Variants in ARNT observed in about 807,000 individuals in gnomAD.
ARNT encodes the protein class E basic helix-loop-helix protein 2.
ARNT carries 30 observed loss-of-function variants against 105.0 expected under a neutral mutation model. The observed-to-expected ratio is 0.29, with a 90% confidence interval of 0.21 to 0.39. The LOEUF is 0.39. Among genes scored for constraint, ARNT ranks in the 10% least tolerant of loss-of-function variants. The pLI is 1.00. For synonymous variants in ARNT, 304 were observed against 344.0 expected (o/e 0.88, Z 1.29); for missense variants, 748 against 978.7 (o/e 0.76, Z 3.15).
Position 150,817,372 on chromosome 1 carries a change from T to G in ARNT, c.1567A>C (p.Asn523His). The stretch of plus-strand genomic sequence containing the variant: ...AGGACACAACTCACCTGGGAATGAT[T>G]GTAGCTGGCCAGTCCATCTCTTCCT... ...VPGRDGLASY[N>H]HSQVVQPVTT... The change falls in exon 16 of 22, where the codon AAT becomes CAT. Residue 523 changes from asparagine (N) to histidine (H), a missense_variant. By Grantham distance (68) the Asn-to-His change is moderately conservative (BLOSUM62 1). This residue lies in a region of ARNT where 360 missense variants were observed against 411.9 expected (regional missense o/e 0.87). Coordinates refer to ENST00000358595, the MANE Select transcript of ARNT (RefSeq NM_001668.4). 2 of 1,614,198 alleles carry G rather than the reference T, an allele frequency of 1.2e-6. No homozygotes were observed. The highest frequency in any genetic ancestry group is 1.7e-6 in the Non-Finnish European group (2 of 1,180,032).
rs58707975 is a variant in ARNT, at chr1:150,874,018, TAA to T, written c.25+2523_25+2524del. ...ATCTTGACAAAACTAACAAGAATTG[TAA>T]AAAAAAAAAAAAAAAAAAAAAAATT... On this transcript the variant is annotated intron_variant, in intron 1 of 21. Transcript: ENST00000358595. Among the ~76,000 whole-genome samples, 72 of 64,416 alleles carry T rather than the reference TAA, an allele frequency of 1.1e-3. 1 individual carries two copies. The highest frequency in any genetic ancestry group is 2.1e-3 in the African/African-American group (33 of 15,760). 42.3% of individuals were successfully genotyped at this position (64,416 alleles called of 152,430 possible). A position where few individuals can be genotyped will look rare whatever the true frequency, so the allele number is the denominator to read the frequency against.
Position 150,867,224 on chromosome 1 carries a change from A to AC in ARNT, c.26-8765_26-8764insG, listed in dbSNP as rs369437849. 1.1e-3 allele frequency among the ~76,000 whole-genome samples: 164 copies of AC among 150,550 alleles called. 2 individuals are homozygous for AC. The highest frequency in any genetic ancestry group is 2.8e-3 in the East Asian group (14 of 5,080). ...GTCTTTAAAAAAAACAACAACAACA[A>AC]AAAAAAACAGATTACTCAAATAGAG... On this transcript the variant is annotated intron_variant, in intron 1 of 21. Transcript: ENST00000358595.
At position 150,810,754 on chromosome 1, in the gene ARNT, T is replaced by G. The variant is rs1401860370; in HGVS notation, c.*1267A>C. 3 of 221,926 alleles carry G rather than the reference T, an allele frequency of 1.4e-5. No individual in the cohort carries two copies. Among genetic ancestry groups the G allele is most frequent in the African/African-American group, 2.2e-5 (1 of 44,652 alleles). 13.7% of individuals were successfully genotyped at this position (221,926 alleles called of 1,614,324 possible). On this transcript the variant is annotated 3_prime_UTR_variant, in exon 22 of 22. Transcript: ENST00000358595. ...TAATTACCAAGTGACCCTGTTGAGATGGGTGTCCAGGCCCCATCTATCATA... is the reference window on the plus strand; with the variant it reads ...TAATTACCAAGTGACCCTGTTGAGAGGGGTGTCCAGGCCCCATCTATCATA...
chr1:150,813,206 G>T lies in ARNT; in HGVS notation c.2246C>A (p.Pro749Gln). ...SSSEQHVQQP[P>Q]AQQPGQPEVF... The stretch of plus-strand genomic sequence containing the variant: ...CTCAGGCTGGCCAGGTTGCTGTGCT[G>T]GCGGTTGTTGAACATGTTGCTCACT... The change falls in exon 21 of 22, where the codon CCA (proline) becomes CAA (glutamine). Residue 749 changes from proline (P) to glutamine (Q), a missense_variant. This residue lies in a region of ARNT where 360 missense variants were observed against 411.9 expected (regional missense o/e 0.87). Coordinates refer to ENST00000358595, the MANE Select transcript of ARNT (RefSeq NM_001668.4). 1 of 1,613,450 alleles carries T rather than the reference G, an allele frequency of 6.2e-7. No homozygotes were observed. Among genetic ancestry groups the T allele is most frequent in the South Asian group, 1.1e-5 (1 of 90,906 alleles).
intron 14 of ARNT, among the ~76,000 whole-genome samples, chr1:150,819,401 CAT>C (rs1331156005): frequency 6.6e-6 from 1 of 152,134 alleles, no homozygotes; most frequent in Admixed American, 6.5e-5. Flanking sequence ...AGAATAAAAA[CAT>C]ATATCCACAT....
chr1:150,851,556 AC>A (rs1260730033), intron 3 of ARNT, among the ~76,000 whole-genome samples: 2 of 152,218 alleles, frequency 1.3e-5, no homozygotes, highest in Non-Finnish European at 2.9e-5. Context: ...CTATGACCTT[AC>A]CCCCAACCCA....
At chr1:150,858,753 C>G (rs1208027131) in intron 1 of ARNT, among the ~76,000 whole-genome samples, 1 of 151,534 alleles carries the variant, frequency 6.6e-6, no homozygotes, top group East Asian at 1.9e-4. Flanking sequence ...TCTGGAATAG[C>G]TAGGACTATA....
At position 150,849,894 on chromosome 1, in the gene ARNT, G is replaced by A. The variant is rs1370983174; in HGVS notation, c.182+2868C>T. On this transcript the variant is annotated intron_variant, in intron 3 of 21. Transcript: ENST00000358595. ...AGTCTGGCTAACATGGTGAAACCCC[G>A]TCTCTACTAAAAATACAAAAATTAG... 6.6e-5 allele frequency among the ~76,000 whole-genome samples: 10 copies of A among 152,016 alleles called. No individual in the cohort carries two copies. The East Asian group carries it at 1.3e-3, about 20-fold the overall frequency.
intron 12 of ARNT, 89 bp from the exon 13 acceptor site, chr1:150,826,706 G>GCGAT (rs1658363328): frequency 1.0e-6 from 1 of 957,252 alleles, no homozygotes; most frequent in South Asian, 1.6e-5. Context: ...GTACGATGGC[G>GCGAT]CGATCTTGGC....
chr1:150,814,278 C>G lies in ARNT; in HGVS notation c.1951-39G>C, dbSNP rs185296119. On this transcript the variant is annotated intron_variant, in intron 19 of 21. Coordinates refer to ENST00000358595, the MANE Select transcript of ARNT (RefSeq NM_001668.4). ...GAGAGGGGATATAGAACAAATACAG[C>G]ATTAACATCATTGCACATACCATGC... 1.2e-3 allele frequency: 1,932 copies of G among 1,592,556 alleles called. 3 individuals carry two copies. Among genetic ancestry groups the G allele is most frequent in the Non-Finnish European group, 1.5e-3 (1,767 of 1,163,436 alleles).
At chr1:150,853,128 A>C in intron 2 of ARNT, 1 of 322,944 alleles carries the variant, frequency 3.1e-6, no homozygotes, top group East Asian at 8.9e-5. Context: ...TAAAAATACA[A>C]AAATTAGCTG....
At position 150,858,334 on chromosome 1, in the gene ARNT, T is replaced by C. The variant is rs1198018032; in HGVS notation, c.137+15A>G. On this transcript the variant is annotated intron_variant, in intron 2 of 21. Transcript: ENST00000358595. ...TATAGGAGAGATATTCATAACACAC[T>C]ACACTCAAACTCACCCTGGTCGCCG... is the stretch of plus-strand genomic sequence containing the variant. 1 of 1,581,766 alleles carries C rather than the reference T, an allele frequency of 6.3e-7. No individual in the cohort carries two copies. The highest frequency in any genetic ancestry group is 8.6e-7 in the Non-Finnish European group (1 of 1,156,650).
rs753072150 is a variant in ARNT, at chr1:150,829,100, T to C, written c.1160A>G (p.Gln387Arg). The C allele has an allele frequency of 3.7e-6, 6 of 1,614,006 alleles. No homozygotes were observed. In the East Asian group the frequency reaches 1.3e-4, roughly 36 times the overall value. ...DHRCVATVGY[Q>R]PQELLGKNIV... ...GGAGCTCCAGCTCCTCACCTGTGGC[T>C]GGTAGCCAACAGTAGCCACACAGCG... The change falls in exon 12 of 22, where the codon CAG (glutamine) becomes CGG (arginine). Residue 387 changes from glutamine to arginine, a missense_variant. By Grantham distance (43) the Gln-to-Arg change is conservative. Around this residue, in one of 4 missense-constraint regions of ARNT, gnomAD observed 291 missense variants for 444.6 expected, o/e 0.65. Coordinates refer to ENST00000358595, the MANE Select transcript of ARNT (RefSeq NM_001668.4).
At chr1:150,871,403 C>T (rs1368542121) in intron 1 of ARNT, among the ~76,000 whole-genome samples, 3 of 149,260 alleles carry the variant, frequency 2.0e-5, no homozygotes, top group Non-Finnish European at 3.0e-5. Context: ...CAGGTTCAAG[C>T]GATTCTCCCG....
intron 7 of ARNT, 131 bp from the exon 8 acceptor site, chr1:150,834,771 C>G: frequency 1.5e-6 from 1 of 651,704 alleles, no homozygotes; most frequent in Non-Finnish European, 2.6e-6. Context: ...ACAGAACTGA[C>G]CAAGCAGGAG....
Position 150,817,131 on chromosome 1 carries a change from G to A in ARNT, c.1650C>T (p.Ala550=), listed in dbSNP as rs765612297. ...KPLEKSDGLF[A]QDRDPRFSEI... Reference sequence around the variant, plus strand: ...CTGAAAATCTTGGATCTCTATCCTGGGCAAATAAACCATCTGACTTCTCAA... The same window carrying A: ...CTGAAAATCTTGGATCTCTATCCTGAGCAAATAAACCATCTGACTTCTCAA... Residue 550 remains alanine (A), a synonymous_variant, in exon 17 of 22, where the codon GCC becomes GCT. Coordinates refer to ENST00000358595, the MANE Select transcript of ARNT (RefSeq NM_001668.4). 8 of 1,614,016 alleles carry A rather than the reference G, an allele frequency of 5.0e-6. No homozygotes were observed. In the African/African-American group the frequency reaches 8.0e-5, roughly 16 times the overall value.
chr1:150,866,786 T>C (rs1471667697), intron 1 of ARNT, among the ~76,000 whole-genome samples: 6 of 152,166 alleles, frequency 3.9e-5, no homozygotes, highest in African/African-American at 1.4e-4. Flanking sequence ...CAAACACTTA[T>C]AGTTCCTTAG....
chr1:150,820,644 G>A (rs1032863311), intron 14 of ARNT, among the ~76,000 whole-genome samples: 29 of 151,436 alleles, frequency 1.9e-4, no homozygotes, highest in Non-Finnish European at 3.8e-4. Context: ...GTGCCAGAGC[G>A]AGACCCTGTC....
chr1:150,860,632 T>A (rs1665463785), intron 1 of ARNT, among the ~76,000 whole-genome samples: 1 of 151,696 alleles, frequency 6.6e-6, no homozygotes, highest in African/African-American at 2.4e-5. Flanking sequence ...AAGGCGGGCA[T>A]ATCACCTGAG....
Sources: allele counts gnomAD v4.1 joint callset (sites outside exome capture counted in the v4.1 genomes callset), GRCh38; gene constraint gnomAD v4.1.1; regional missense constraint gnomAD v4.1.1; transcripts MANE v1.5; gene names NCBI Gene and HGNC (gene_info 2026-07-23, HGNC 2026-07-21).